TENM3: variants seen among roughly 807,000 people sequenced by gnomAD.
TENM3 encodes teneurin transmembrane protein 3.
Under a neutral mutation model 255.1 loss-of-function variants are expected in TENM3, and 63 were observed. That is an observed-to-expected ratio of 0.25 (90% CI 0.20 to 0.30). The LOEUF (loss-of-function observed/expected upper bound fraction) is 0.30. Among genes scored for constraint, TENM3 ranks in the 10% least tolerant of loss-of-function variants. The pLI, the probability that TENM3 is intolerant of heterozygous loss-of-function variation, is 1.00. For synonymous variants in TENM3, 1,306 were observed against 1,322.3 expected (o/e 0.99, Z 0.27); for missense variants, 2,929 against 3,461.1 (o/e 0.85, Z 3.86).
At chr4:181,518,110 C>A in the TENM3 span, among the ~76,000 whole-genome samples, 1 of 152,114 alleles carries the variant, frequency 6.6e-6, no homozygotes, top group South Asian at 2.1e-4. Flanking sequence ...GTATAATTGA[C>A]CTCCTTTAGC....
intron 3 of TENM3, among the ~76,000 whole-genome samples, chr4:182,395,970 A>G (rs1435562615): frequency 3.9e-5 from 6 of 152,240 alleles, no homozygotes; most frequent in African/African-American, 7.2e-5. Flanking sequence ...AATAATTATA[A>G]TGATTCCATT....
intron 12 of TENM3, among the ~76,000 whole-genome samples, chr4:182,708,764 C>CTCCA (rs1425814288): frequency 2.0e-5 from 3 of 149,548 alleles, no homozygotes; most frequent in Admixed American, 6.7e-5. Context: ...CGCCACTGTA[C>CTCCA]TCCAGCCTGG....
the TENM3 span, among the ~76,000 whole-genome samples, chr4:181,616,692 T>C: frequency 5.3e-5 from 8 of 152,160 alleles, no homozygotes; most frequent in Non-Finnish European, 1.0e-4. Flanking sequence ...ACCTGGGGGC[T>C]GCTGGTTCCA....
chr4:181,664,205 C>A, the TENM3 span, among the ~76,000 whole-genome samples: 6 of 152,164 alleles, frequency 3.9e-5, no homozygotes, highest in Admixed American at 3.9e-4. Context: ...CAGTGGCTCA[C>A]TCCTGTAATC....
chr4:181,592,601 G>A, the TENM3 span, among the ~76,000 whole-genome samples: 2 of 151,246 alleles, frequency 1.3e-5, no homozygotes, highest in African/African-American at 2.4e-5. Context: ...CTAAAAGAAC[G>A]AAGTAAAACT....
chr4:182,167,827 T>G (rs1403242715), intron 1 of TENM3, among the ~76,000 whole-genome samples: 1 of 152,116 alleles, frequency 6.6e-6, no homozygotes, highest in East Asian at 1.9e-4. Flanking sequence ...GGAGGTGCAG[T>G]GAGCTGAGAT....
the TENM3 span, among the ~76,000 whole-genome samples, chr4:181,802,692 T>C: frequency 6.6e-6 from 1 of 152,212 alleles, no homozygotes. Context: ...CTTTCAAATT[T>C]AATTATCTGT....
At chr4:181,859,343 T>C in the TENM3 span, among the ~76,000 whole-genome samples, 1 of 151,964 alleles carries the variant, frequency 6.6e-6, no homozygotes, top group Non-Finnish European at 1.5e-5. Flanking sequence ...TTTCTTTATA[T>C]AGCATTTAAA....
chr4:182,712,424 T>C (rs1474807843), intron 12 of TENM3, among the ~76,000 whole-genome samples: 1 of 151,438 alleles, frequency 6.6e-6, no homozygotes, highest in Non-Finnish European at 1.5e-5. Context: ...AACCTTTCGT[T>C]TTCATTAAAA....
At chr4:182,281,688 G>A (rs1760393827) in intron 1 of TENM3, among the ~76,000 whole-genome samples, 1 of 152,124 alleles carries the variant, frequency 6.6e-6, no homozygotes, top group Non-Finnish European at 1.5e-5. Flanking sequence ...TAACTCAGAT[G>A]TGCCAGATTT....
chr4:182,712,500 C>T (rs943041669), intron 12 of TENM3, among the ~76,000 whole-genome samples: 1 of 151,110 alleles, frequency 6.6e-6, no homozygotes, highest in Non-Finnish European at 1.5e-5. Flanking sequence ...TCCATAAATA[C>T]AGACGGTAAT....
intron 3 of TENM3, among the ~76,000 whole-genome samples, chr4:182,597,340 T>C (rs1191469589): frequency 1.3e-5 from 2 of 151,882 alleles, no homozygotes; most frequent in Non-Finnish European, 1.5e-5. Context: ...GCATGGGAGG[T>C]AGACGCTGCA....
rs557532056 is a variant in TENM3 at position 182,360,202 on chromosome 4, T to C, written c.511+13273T>C. Among the ~76,000 whole-genome samples, 646 of 133,120 alleles carry C rather than the reference T, an allele frequency of 4.9e-3. 8 individuals are homozygous for C. The highest frequency in any genetic ancestry group is 0.018 in the African/African-American group (615 of 34,956). The allele number at this position is 133,120 out of a possible 152,430, so 87.3% of individuals were successfully genotyped here. ...CTGAAAAAAATGTATATTCTGTTGA[T>C]TTGGGGTGGAGAGTTCTGTAGATGT... is the stretch of plus-strand genomic sequence containing the variant. On this transcript the variant is annotated intron_variant, in intron 3 of 27. Coordinates refer to ENST00000511685, the MANE Select transcript of TENM3 (RefSeq NM_001080477.4).
chr4:181,775,185 C>T, the TENM3 span, among the ~76,000 whole-genome samples: 3 of 152,290 alleles, frequency 2.0e-5, no homozygotes, highest in Middle Eastern at 3.4e-3. Context: ...TCTCTTGACA[C>T]TACACTCCCA....
the TENM3 span, among the ~76,000 whole-genome samples, chr4:182,002,311 A>G: frequency 6.6e-6 from 1 of 152,022 alleles, no homozygotes; most frequent in African/African-American, 2.4e-5. Context: ...GGCTCAGATA[A>G]TCACAGGGGA....
At chr4:182,740,079 A>T (rs1303703863) in intron 18 of TENM3, among the ~76,000 whole-genome samples, 1 of 152,174 alleles carries the variant, frequency 6.6e-6, no homozygotes, top group Non-Finnish European at 1.5e-5. Context: ...TCCCTCCAGG[A>T]AATAATAGTC....
At chr4:181,686,208 C>A in the TENM3 span, among the ~76,000 whole-genome samples, 1 of 152,162 alleles carries the variant, frequency 6.6e-6, no homozygotes, top group Non-Finnish European at 1.5e-5. Context: ...CCATGCTACC[C>A]AGACATCCCG....
chr4:182,648,679 T>A (rs923673301), intron 5 of TENM3, among the ~76,000 whole-genome samples: 3 of 152,210 alleles, frequency 2.0e-5, no homozygotes, highest in Non-Finnish European at 4.4e-5. Context: ...AGATAGAATG[T>A]GAGCAGCACT....
chr4:181,713,222 G>T, the TENM3 span, among the ~76,000 whole-genome samples: 3 of 152,110 alleles, frequency 2.0e-5, no homozygotes, highest in Non-Finnish European at 4.4e-5. Context: ...CACTTTCCAT[G>T]GTCCCATTGC....
Sources: gnomAD v4.1 joint callset for allele counts (sites outside exome capture counted in the v4.1 genomes callset) on GRCh38, gnomAD v4.1.1 for gene constraint, MANE v1.5 for transcripts, NCBI Gene and HGNC (gene_info 2026-07-23, HGNC 2026-07-21) for gene names.